Variants in OTOF observed in about 807,000 individuals in gnomAD.
OTOF encodes the protein otoferlin.
In OTOF, 218 loss-of-function variants were observed where a neutral mutation model predicts 236.8. The ratio of observed to expected loss-of-function variants is 0.92; its 90% CI spans 0.82 to 1.03. The LOEUF is 1.03. Among genes scored for constraint, OTOF ranks in the 50% least tolerant of loss-of-function variants. The probability of loss-of-function intolerance (pLI) is 0.00; values close to 1 mark genes in which losing one functional copy is unlikely to be tolerated. For synonymous variants in OTOF, 1,041 were observed against 1,072.5 expected, an observed-to-expected ratio of 0.97 and a Z score of 0.57; for missense variants, 2,590 against 2,694.4, an observed-to-expected ratio of 0.96 and a Z score of 0.86.
In OTOF at chr2:26,494,824, C is replaced by T; in HGVS notation, c.897+118G>A. ...TGGGGGTTGTAACAGGGTGGATCAC[C>T]CCTGCTGGTAGCCCTGTGTGCTCCT... On this transcript the variant is annotated intron_variant, in intron 9 of 46. Coordinates refer to ENST00000272371, the MANE Select transcript of OTOF (RefSeq NM_194248.3). 5.9e-6 allele frequency: 7 copies of T among 1,188,806 alleles called. No homozygotes were observed. In the South Asian group the frequency reaches 7.4e-5, roughly 13 times the overall value. 73.6% of individuals were successfully genotyped at this position (1,188,806 alleles called of 1,614,324 possible).
intron 1 of OTOF, among the ~76,000 whole-genome samples, chr2:26,545,481 T>C (rs533052030): frequency 6.6e-6 from 1 of 152,216 alleles, no homozygotes; most frequent in African/African-American, 2.4e-5. Context: ...AAATGTGATT[T>C]TTTTATGAAT....
At chr2:26,463,823 G>T in intron 40 of OTOF, 141 bp downstream of exon 40, 2 of 1,140,814 alleles carry the variant, frequency 1.8e-6, no homozygotes, top group South Asian at 1.3e-5. Flanking sequence ...TACCCTGAGG[G>T]GCCTTGGTGG....
chr2:26,474,640 T>C lies in OTOF; in HGVS notation c.3161A>G (p.Lys1054Arg). The change falls in exon 26 of 47, where the codon AAA becomes AGA. Residue 1054 changes from lysine to arginine, a missense_variant. By Grantham distance (26) the Lys-to-Arg change is conservative. Transcript: ENST00000272371. ...CTCGTCTGCCATCTTCACCAGGGGT[T>C]TGGCGAAGGTCCGGCCCATGAAGTC... is the stretch of plus-strand genomic sequence containing the variant. The part of the protein sequence containing the change: ...KADFMGRTFA[K>R]PLVKMADEAY... 1 of 1,613,326 alleles carries C rather than the reference T, an allele frequency of 6.2e-7. No individual in the cohort carries two copies. The highest frequency in any genetic ancestry group is 8.5e-7 in the Non-Finnish European group (1 of 1,180,012).
chr2:26,489,034 GT>G (rs1190107786), intron 11 of OTOF, among the ~76,000 whole-genome samples, 176 bp downstream of exon 11: 1 of 152,252 alleles, frequency 6.6e-6, no homozygotes, highest in East Asian at 1.9e-4. Context: ...CACTGCATTT[GT>G]GTACAGACTG....
Position 26,489,256 on chromosome 2 carries a change from C to G in OTOF, c.1000G>C (p.Val334Leu). The change falls in exon 11 of 47, where the codon GTG becomes CTG. Residue 334 changes from valine to leucine, a missense_variant. Physicochemically the swap from Val to Leu is conservative, Grantham distance 32. Around this residue, in one of 2 missense-constraint regions of OTOF, gnomAD observed 1,379 missense variants for 1,341.6 expected, o/e 1.03. Transcript: ENST00000272371. Reference protein sequence around the residue: ...SKNLLRSGTLVGSFKMDVGTV... With the variant: ...SKNLLRSGTLLGSFKMDVGTV... The stretch of plus-strand genomic sequence containing the variant: ...CCCACGTCCATTTTGAAGGAGCCCA[C>G]CAGGGTGCCACTGCGCAGCAGGTTC... 2.5e-6 allele frequency: 4 copies of G among 1,613,120 alleles called. No homozygotes were observed. Among genetic ancestry groups the G allele is most frequent in the Non-Finnish European group, 3.4e-6 (4 of 1,179,828 alleles).
At chr2:26,514,434 T>C (rs4665331) in intron 5 of OTOF, among the ~76,000 whole-genome samples, 150,753 of 152,360 alleles carry the variant, frequency 0.99, 74,602 homozygotes, top group Middle Eastern at 1. Flanking sequence ...TCCTGGTGCC[T>C]AGGGCTCTCT....
At chr2:26,459,429 G>A (rs1339230116) in intron 46 of OTOF, among the ~76,000 whole-genome samples, 4 of 152,060 alleles carry the variant, frequency 2.6e-5, no homozygotes, top group Admixed American at 6.5e-5. Context: ...GCGGGTGCCT[G>A]TAGTCCCAGC....
Position 26,467,063 on chromosome 2 carries a change from C to T in OTOF, c.4362+36G>A, listed in dbSNP as rs749355911. On this transcript the variant is annotated intron_variant, in intron 35 of 46. Coordinates refer to ENST00000272371, the MANE Select transcript of OTOF (RefSeq NM_194248.3). The stretch of plus-strand genomic sequence containing the variant: ...AACCTGTGGGGGGGGCAAGGGCTGG[C>T]GGGTGCTCAGGCTGGGCCCGTGCTC... The T allele has an allele frequency of 1.3e-5, 21 of 1,609,016 alleles. No homozygotes were observed. The East Asian group carries it at 2.9e-4, about 22-fold the overall frequency.
At chr2:26,508,821 T>C (rs1451340142) in intron 5 of OTOF, among the ~76,000 whole-genome samples, 1 of 152,222 alleles carries the variant, frequency 6.6e-6, no homozygotes, top group African/African-American at 2.4e-5. Flanking sequence ...GTCTCCACAG[T>C]TTTCTCTCCT....
intron 8 of OTOF, among the ~76,000 whole-genome samples, chr2:26,497,714 C>T (rs868298803): frequency 9.9e-5 from 15 of 152,270 alleles, no homozygotes; most frequent in South Asian, 2.1e-4. Flanking sequence ...CAAACATTTC[C>T]GTTTGGAACG....
chr2:26,488,946 G>A (rs1304025837), intron 11 of OTOF, among the ~76,000 whole-genome samples: 1 of 152,242 alleles, frequency 6.6e-6, no homozygotes, highest in African/African-American at 2.4e-5. Flanking sequence ...AGCGTGTGAT[G>A]AAGCTCCTTC....
At chr2:26,546,424 G>A (rs954087708) in intron 1 of OTOF, among the ~76,000 whole-genome samples, 2 of 151,136 alleles carry the variant, frequency 1.3e-5, no homozygotes, top group African/African-American at 4.9e-5. Flanking sequence ...TTGCTCCATT[G>A]CACTCCAGCC....
chr2:26,463,888 T>C (rs187719549), intron 40 of OTOF, 76 bp downstream of exon 40: 1 of 1,593,464 alleles, frequency 6.3e-7, no homozygotes, highest in East Asian at 2.2e-5. Context: ...GCCTGGCTTC[T>C]ACCTTTACTG....
chr2:26,503,299 C>T (rs1355525793), intron 6 of OTOF, among the ~76,000 whole-genome samples: 1 of 152,238 alleles, frequency 6.6e-6, no homozygotes, highest in African/African-American at 2.4e-5. Flanking sequence ...CCAGTGCCAC[C>T]TGCTGCTCCA....
At position 26,479,244 on chromosome 2, in the gene OTOF, G is replaced by A. The variant is rs1346855267; in HGVS notation, c.2214+20C>T. ...CTCCCCCAGGACCCCACCCCTGCTG[G>A]CCCCTGGCCTGGCCCTGACCAGCTT... is the stretch of plus-strand genomic sequence containing the variant. On this transcript the variant is annotated intron_variant, in intron 18 of 46. Coordinates refer to ENST00000272371, the MANE Select transcript of OTOF (RefSeq NM_194248.3). 6.2e-7 allele frequency: 1 copy of A among 1,611,904 alleles called. No homozygotes were observed. Among genetic ancestry groups the A allele is most frequent in the East Asian group, 2.2e-5 (1 of 44,858 alleles).
At chr2:26,514,482 G>C (rs1168534884) in intron 5 of OTOF, among the ~76,000 whole-genome samples, 2 of 152,222 alleles carry the variant, frequency 1.3e-5, no homozygotes, top group African/African-American at 4.8e-5. Flanking sequence ...TCAGCACCCT[G>C]GCCCACTCTC....
At chr2:26,509,399 T>A (rs917370980) in intron 5 of OTOF, among the ~76,000 whole-genome samples, 1 of 152,216 alleles carries the variant, frequency 6.6e-6, no homozygotes, top group African/African-American at 2.4e-5. Flanking sequence ...TCCTCCATCC[T>A]TCAGGTCTCT....
Position 26,470,495 on chromosome 2 carries a change from A to C in OTOF, c.4023+98T>G. The stretch of plus-strand genomic sequence containing the variant: ...AACCATCCCAAACTCACATGAATGG[A>C]GTTGGGATCCAGCTCTTGGGGGCCG... On this transcript the variant is annotated intron_variant, in intron 32 of 46. Coordinates refer to ENST00000272371, the MANE Select transcript of OTOF (RefSeq NM_194248.3). This position sits in a 1 kb window ranked among gnomAD's most constrained non-coding sequence, Gnocchi z 4.3. The C allele has an allele frequency of 1.7e-6, 2 of 1,167,556 alleles. No homozygotes were observed. Among genetic ancestry groups the C allele is most frequent in the South Asian group, 1.2e-5 (1 of 81,814 alleles). The allele number at this position is 1,167,556 out of a possible 1,614,324, so 72.3% of individuals were successfully genotyped here.
intron 3 of OTOF, among the ~76,000 whole-genome samples, chr2:26,526,941 T>G (rs1666821763): frequency 6.6e-6 from 1 of 152,186 alleles, no homozygotes. Flanking sequence ...TCCTCCCGCC[T>G]TATCTGCCCA....
Sources: allele counts gnomAD v4.1 joint callset (sites outside exome capture counted in the v4.1 genomes callset), GRCh38; gene constraint gnomAD v4.1.1; regional missense constraint gnomAD v4.1.1; non-coding constraint Gnocchi (gnomAD v3.1); transcripts MANE v1.5; gene names NCBI Gene and HGNC (gene_info 2026-07-23, HGNC 2026-07-21).